TRPS1: variants seen among roughly 807,000 people sequenced by gnomAD.
TRPS1 encodes the protein zinc finger transcription factor Trps1.
A neutral mutation model predicts 101.2 loss-of-function variants in TRPS1; 6 were observed. The observed-to-expected ratio is 0.06, with a 90% CI of 0.03 to 0.12. The LOEUF is 0.12. Ranked by LOEUF, TRPS1 falls within the 10% of genes least tolerant of loss-of-function variation. TRPS1 has a pLI of 1.00. For synonymous variants in TRPS1, 578 were observed against 589.8 expected, an observed-to-expected ratio of 0.98 and a Z score of 0.29; for missense variants, 1,363 against 1,567.0, an observed-to-expected ratio of 0.87 and a Z score of 2.20.
chr8:115,650,223 T>C (rs1811528909), intron 1 of TRPS1, among the ~76,000 whole-genome samples: 1 of 152,246 alleles, frequency 6.6e-6, no homozygotes, highest in Non-Finnish European at 1.5e-5. Context: ...CAGATATTAC[T>C]TTTAAAAATC....
intron 5 of TRPS1, among the ~76,000 whole-genome samples, chr8:115,549,610 G>A (rs971752189): frequency 6.6e-6 from 1 of 150,464 alleles, no homozygotes; most frequent in African/African-American, 2.5e-5. Flanking sequence ...CCAAATGTTT[G>A]CAGCTACTCA....
At chr8:115,500,122 C>A (rs2130141147) in intron 5 of TRPS1, among the ~76,000 whole-genome samples, 1 of 152,088 alleles carries the variant, frequency 6.6e-6, no homozygotes, top group South Asian at 2.1e-4. Context: ...CTTTGCCTCC[C>A]AGGTTTAAGC....
At chr8:115,537,534 G>T (rs1261336496) in intron 5 of TRPS1, among the ~76,000 whole-genome samples, 1 of 152,084 alleles carries the variant, frequency 6.6e-6, no homozygotes, top group Admixed American at 6.5e-5. Flanking sequence ...CGATGCCTCT[G>T]CAAAATTTAT....
At chr8:115,645,214 C>CAT (rs1264312212) in intron 1 of TRPS1, among the ~76,000 whole-genome samples, 1 of 151,984 alleles carries the variant, frequency 6.6e-6, no homozygotes, top group Non-Finnish European at 1.5e-5. Context: ...GAGGTAATTA[C>CAT]ATATATATAC....
intron 5 of TRPS1, among the ~76,000 whole-genome samples, chr8:115,486,386 T>C (rs991069474): frequency 5.3e-5 from 8 of 152,184 alleles, no homozygotes; most frequent in African/African-American, 1.9e-4. Flanking sequence ...ATATTGAACT[T>C]AGGCCAACTA....
At chr8:115,422,428 G>A (rs957914225) in intron 5 of TRPS1, among the ~76,000 whole-genome samples, 24 of 151,638 alleles carry the variant, frequency 1.6e-4, no homozygotes, top group Admixed American at 5.3e-4. Context: ...GGGCAGTGGC[G>A]CGATCTCGGC....
chr8:115,557,906 A>G (rs1249902343), intron 5 of TRPS1, among the ~76,000 whole-genome samples: 1 of 152,120 alleles, frequency 6.6e-6, no homozygotes, highest in Non-Finnish European at 1.5e-5. Context: ...AATATATTCT[A>G]GCGAATTTTT....
chr8:115,660,539 C>G (rs1411718726), intron 1 of TRPS1, among the ~76,000 whole-genome samples: 1 of 151,672 alleles, frequency 6.6e-6, no homozygotes, highest in Non-Finnish European at 1.5e-5. Flanking sequence ...TACTATACTA[C>G]TCACTATCAT....
intron 4 of TRPS1, among the ~76,000 whole-genome samples, chr8:115,597,004 CTTGAAAATTCTACAAA>C (rs1817803010): frequency 6.6e-6 from 1 of 151,844 alleles, no homozygotes; most frequent in African/African-American, 2.4e-5. Flanking sequence ...CATTCCACTG[CTTGAAAATTCTACAAA>C]TAAATTAATC....
intron 5 of TRPS1, among the ~76,000 whole-genome samples, chr8:115,450,419 T>A (rs576688461): frequency 6.6e-6 from 1 of 152,284 alleles, no homozygotes; most frequent in East Asian, 1.9e-4. Flanking sequence ...AACTTTCAAA[T>A]GCCTTACATT....
intron 1 of TRPS1, among the ~76,000 whole-genome samples, chr8:115,634,712 G>A (rs1034170773): frequency 6.6e-6 from 1 of 152,074 alleles, no homozygotes; most frequent in African/African-American, 2.4e-5. Flanking sequence ...AACATATCAT[G>A]AGAGTACCAA....
At chr8:115,621,734 C>T (rs1209466153) in intron 2 of TRPS1, among the ~76,000 whole-genome samples, 1 of 151,750 alleles carries the variant, frequency 6.6e-6, no homozygotes, top group Non-Finnish European at 1.5e-5. Flanking sequence ...ACCAACATGG[C>T]GAAATTCCAT....
intron 5 of TRPS1, among the ~76,000 whole-genome samples, chr8:115,488,132 G>C (rs1049508389): frequency 4.1e-4 from 62 of 152,192 alleles, no homozygotes; most frequent in African/African-American, 1.4e-3. Flanking sequence ...TCCTCCACCA[G>C]ACAAATGACT....
At chr8:115,427,993 G>A (rs1813230887) in intron 5 of TRPS1, among the ~76,000 whole-genome samples, 1 of 152,186 alleles carries the variant, frequency 6.6e-6, no homozygotes, top group African/African-American at 2.4e-5. Context: ...TGCTACATGG[G>A]AGGTTAGCTG....
At chr8:115,452,085 G>A (rs1379901998) in intron 5 of TRPS1, among the ~76,000 whole-genome samples, 2 of 152,020 alleles carry the variant, frequency 1.3e-5, no homozygotes, top group African/African-American at 2.4e-5. Context: ...AATGGTAAGC[G>A]GCTTTATTTT....
chr8:115,433,775 GA>G (rs1215683355), intron 5 of TRPS1, among the ~76,000 whole-genome samples: 1 of 152,092 alleles, frequency 6.6e-6, no homozygotes, highest in Non-Finnish European at 1.5e-5. Flanking sequence ...TTTATCTGAT[GA>G]CTGCTTCTGA....
At chr8:115,496,342 T>C (rs891097862) in intron 5 of TRPS1, among the ~76,000 whole-genome samples, 1 of 152,184 alleles carries the variant, frequency 6.6e-6, no homozygotes, top group African/African-American at 2.4e-5. Flanking sequence ...CATTGTGTTA[T>C]GGAAATAAGC....
chr8:115,413,919 G>T lies in TRPS1; in HGVS notation c.*104C>A. 8.8e-7 allele frequency: 1 copy of T among 1,138,690 alleles called. No homozygotes were observed. The highest frequency in any genetic ancestry group is 1.3e-6 in the Non-Finnish European group (1 of 799,294). 70.5% of individuals were successfully genotyped at this position (1,138,690 alleles called of 1,614,324 possible). A position where few individuals can be genotyped will look rare whatever the true frequency, so the allele number is the denominator to read the frequency against. On this transcript the variant is annotated 3_prime_UTR_variant, in exon 7 of 7. Coordinates refer to ENST00000395715, the MANE Select transcript of TRPS1 (RefSeq NM_014112.5). ...GGGAATTTCATGTTGGATAAGGCAG[G>T]CTCTATGAAGTATTTTTTTAATAGG...
intron 5 of TRPS1, among the ~76,000 whole-genome samples, chr8:115,525,034 T>C (rs1227410146): frequency 4.2e-5 from 1 of 23,602 alleles, no homozygotes; most frequent in Non-Finnish European, 7.3e-5. Context: ...AAGTACATCT[T>C]TTAAAGATAA....
Sources: allele counts gnomAD v4.1 joint callset (sites outside exome capture counted in the v4.1 genomes callset), GRCh38; gene constraint gnomAD v4.1.1; transcripts MANE v1.5; gene names NCBI Gene and HGNC (gene_info 2026-07-23, HGNC 2026-07-21).